Variants in CPAMD8 observed in about 807,000 individuals in gnomAD.
The protein encoded by CPAMD8 is C3 and PZP like alpha-2-macroglobulin domain containing 8.
Under a neutral mutation model 224.7 loss-of-function variants are expected in CPAMD8, and 146 were observed. The observed-to-expected ratio is 0.65, with a 90% CI of 0.57 to 0.75. The LOEUF is 0.75. CPAMD8 is among the 30% of genes least tolerant of loss of function. CPAMD8 has a pLI of 0.00. For synonymous variants in CPAMD8, 966 were observed against 1,044.6 expected, an observed-to-expected ratio of 0.92 and a Z score of 1.45; for missense variants, 2,301 against 2,537.5, an observed-to-expected ratio of 0.91 and a Z score of 2.00.
Position 17,000,432 on chromosome 19 carries a change from A to C in CPAMD8, c.849T>G (p.Pro283=), listed in dbSNP as rs376041460. The C allele has an allele frequency of 1.4e-4, 209 of 1,477,418 alleles. 2 individuals carry two copies. The highest frequency in any genetic ancestry group is 6.0e-4 in the Admixed American group (36 of 59,820). The allele number at this position is 1,477,418 out of a possible 1,614,324, so 91.5% of individuals were successfully genotyped here. ...TTCTCACCTTGGTTGTTCTGAGGAC[A>C]GGGCGTCCCACCTCGTGGCTGTAGT... ...VGYYSHEVGR[P]VLRTTKILGS... is the part of the protein sequence containing the mutation. Residue 283 remains proline, a synonymous_variant, in exon 10 of 42, where the codon CCT becomes CCG. Coordinates refer to ENST00000443236, the MANE Select transcript of CPAMD8 (RefSeq NM_015692.5).
At chr19:16,918,186 G>A (rs890357061) in intron 27 of CPAMD8, among the ~76,000 whole-genome samples, 1 of 152,070 alleles carries the variant, frequency 6.6e-6, no homozygotes, top group African/African-American at 2.4e-5. Flanking sequence ...GTAGAGACGG[G>A]GTTTCGCCAT....
chr19:16,990,863 C>CAAA lies in CPAMD8; in HGVS notation c.1267-1095_1267-1093dup, dbSNP rs3067791. ...GGGCAATAAGAGCAAAACTCTGTCT[C>CAAA]AAAAAAAAAAAAAAAAAAAAAAAAA... is the stretch of plus-strand genomic sequence containing the variant. On this transcript the variant is annotated intron_variant, in intron 12 of 41. Transcript: ENST00000443236. 9.7e-4 allele frequency among the ~76,000 whole-genome samples: 71 copies of CAAA among 73,140 alleles called. 1 individual carries two copies. Among genetic ancestry groups the CAAA allele is most frequent in the African/African-American group, 2.0e-3 (33 of 16,600 alleles). The allele number at this position is 73,140 out of a possible 152,430, so 48.0% of individuals were successfully genotyped here.
intron 5 of CPAMD8, 184 bp from the exon 6 acceptor site, chr19:17,009,504 G>T: frequency 9.7e-7 from 1 of 1,035,816 alleles, no homozygotes; most frequent in Admixed American, 2.6e-5. Flanking sequence ...CTCATTACAG[G>T]TGGCTCATGC....
chr19:17,009,198 G>A (rs895889196), intron 6 of CPAMD8, 105 bp downstream of exon 6: 97 of 1,596,452 alleles, frequency 6.1e-5, no homozygotes, highest in South Asian at 3.0e-4. Flanking sequence ...AAGGCACAGC[G>A]GCTCAACCCA....
At position 16,914,752 on chromosome 19, in the gene CPAMD8, G is replaced by A. The variant is rs943110810; in HGVS notation, c.3691C>T (p.Arg1231Trp). The A allele has an allele frequency of 3.1e-5, 50 of 1,613,960 alleles. No homozygotes were observed. The highest frequency in any genetic ancestry group is 1.1e-4 in the South Asian group (10 of 91,080). The change falls in exon 28 of 42, where the codon CGG (arginine) becomes TGG (tryptophan). Residue 1231 changes from arginine to tryptophan, a missense_variant. Arg to Trp is a moderately radical substitution (Grantham distance 101, BLOSUM62 -3). Around this residue, in one of 4 missense-constraint regions of CPAMD8, gnomAD observed 1,709 missense variants for 1,753.2 expected, o/e 0.97. Coordinates refer to ENST00000443236, the MANE Select transcript of CPAMD8 (RefSeq NM_015692.5). Reference protein sequence around the residue: ...QARSFIFVDPRELAAAKSWII... With the variant: ...QARSFIFVDPWELAAAKSWII... ...CAGCTCTTGGCGGCAGCCAGCTCCC[G>A]GGGGTCCACGAAGATAAAGCTGCGA... is the stretch of plus-strand genomic sequence containing the variant.
intron 8 of CPAMD8, among the ~76,000 whole-genome samples, chr19:17,003,425 TG>T (rs1243978525): frequency 6.6e-6 from 1 of 151,734 alleles, no homozygotes; most frequent in African/African-American, 2.4e-5. Context: ...CTCAAACTCC[TG>T]GCCTCAAGCG....
At chr19:16,989,117 A>T (rs757729035) in intron 13 of CPAMD8, among the ~76,000 whole-genome samples, 1 of 152,320 alleles carries the variant, frequency 6.6e-6, no homozygotes, top group Admixed American at 6.5e-5. Context: ...TCATTGTTTC[A>T]TTATATATTG....
chr19:16,965,377 C>T (rs530449242), intron 18 of CPAMD8, among the ~76,000 whole-genome samples: 1 of 152,090 alleles, frequency 6.6e-6, no homozygotes, highest in Non-Finnish European at 1.5e-5. Flanking sequence ...AAACCCACAG[C>T]CAATATCATA....
intron 10 of CPAMD8, among the ~76,000 whole-genome samples, chr19:16,999,452 G>A (rs1243544433): frequency 6.6e-6 from 1 of 151,944 alleles, no homozygotes; most frequent in Non-Finnish European, 1.5e-5. Flanking sequence ...GGGTGTTGTG[G>A]TGGGCACCTA....
At chr19:16,948,835 G>A (rs1233814802) in intron 20 of CPAMD8, among the ~76,000 whole-genome samples, 52 of 87,344 alleles carry the variant, frequency 6.0e-4, no homozygotes, top group Middle Eastern at 5.5e-3. Context: ...AGGGAAGGGA[G>A]GAGAAGGGAA....
rs2055399397 is a variant in CPAMD8, at chr19:16,979,212, C to A, written c.1585+1285G>T. Among the ~76,000 whole-genome samples, 4 of 151,696 alleles carry A rather than the reference C, an allele frequency of 2.6e-5. 1 individual carries two copies. The South Asian group carries it at 8.4e-4, about 32-fold the overall frequency. On this transcript the variant is annotated intron_variant, in intron 14 of 41. Transcript: ENST00000443236. ...TATTCATCCAGTCATCATCCGCCCACCCACTATCCATCCATCCATCCATCT... is the reference window on the plus strand; with the variant it reads ...TATTCATCCAGTCATCATCCGCCCAACCACTATCCATCCATCCATCCATCT...
At chr19:16,937,380 G>GT (rs975982613) in intron 23 of CPAMD8, among the ~76,000 whole-genome samples, 5 of 152,000 alleles carry the variant, frequency 3.3e-5, no homozygotes, top group Admixed American at 2.0e-4. Context: ...GCTGTCCTGT[G>GT]TTTTTTTCTA....
At chr19:16,927,933 T>C (rs1200006934) in intron 25 of CPAMD8, 76 bp downstream of exon 25, 1 of 1,110,638 alleles carries the variant, frequency 9.0e-7, no homozygotes, top group East Asian at 2.4e-5. Flanking sequence ...AAAGCCCAGC[T>C]TGAGACTAAG....
In CPAMD8 at chr19:16,977,297, C is replaced by T. The variant is rs374179137; in HGVS notation, c.1758+71G>A. The stretch of plus-strand genomic sequence containing the variant: ...CATGAGTCTCAGGTGTGCACAGACC[C>T]CCTGGCCAGCACCTTGGAGAAGCCC... On this transcript the variant is annotated intron_variant, in intron 15 of 41. Coordinates refer to ENST00000443236, the MANE Select transcript of CPAMD8 (RefSeq NM_015692.5). The T allele has an allele frequency of 3.1e-3, 3,065 of 981,990 alleles. 7 individuals carry two copies. Among genetic ancestry groups the T allele is most frequent in the Non-Finnish European group, 4.2e-3 (2,601 of 622,884 alleles). The allele number at this position is 981,990 out of a possible 1,614,324, so 60.8% of individuals were successfully genotyped here.
intron 32 of CPAMD8, 107 bp downstream of exon 32, chr19:16,904,119 G>C: frequency 1.6e-6 from 2 of 1,251,454 alleles, no homozygotes; most frequent in Non-Finnish European, 2.2e-6. Flanking sequence ...GGCTCCATAA[G>C]GTGAGAAGGG....
In CPAMD8 at chr19:16,897,913, A is replaced by G; in HGVS notation, c.4930T>C (p.Ser1644Pro). 1 of 1,610,732 alleles carries G rather than the reference A, an allele frequency of 6.2e-7. No homozygotes were observed. The highest frequency in any genetic ancestry group is 8.5e-7 in the Non-Finnish European group (1 of 1,179,248). The change falls in exon 38 of 42, where the codon TCC becomes CCC. Residue 1644 changes from serine to proline, a missense_variant. By Grantham distance (74) the Ser-to-Pro change is moderately conservative. Transcript: ENST00000443236. The part of the protein sequence containing the change: ...VVGRTSALPV[S>P]VYDYYEPAFE... ...CCGGGTTCGTAGTAGTCGTACACGG[A>G]GACTGGCAGCGCCGACGTCCTGCCC...
chr19:16,902,529 C>T, intron 35 of CPAMD8, 120 bp downstream of exon 35: 1 of 655,200 alleles, frequency 1.5e-6, no homozygotes, highest in Non-Finnish European at 2.7e-6. Context: ...AAAAACAAAA[C>T]AAAACAAAAA....
Position 16,929,256 on chromosome 19 carries a change from G to C in CPAMD8, c.2846-16C>G, listed in dbSNP as rs776423417. The C allele has an allele frequency of 3.4e-5, 53 of 1,581,138 alleles. No homozygotes were observed. Among genetic ancestry groups the C allele is most frequent in the Non-Finnish European group, 4.4e-5 (51 of 1,159,202 alleles). On this transcript the variant is annotated splice_polypyrimidine_tract_variant and intron_variant, in intron 23 of 41. Coordinates refer to ENST00000443236, the MANE Select transcript of CPAMD8 (RefSeq NM_015692.5). ...TGGACTCTCTCTGGATGGAGGAAAG[G>C]AGATGGGGAGTTGAGAGGGCACCTG...
chr19:16,914,640 C>A lies in CPAMD8; in HGVS notation c.3786+17G>T, dbSNP rs775768880. 57 of 1,613,738 alleles carry A rather than the reference C, an allele frequency of 3.5e-5. No individual in the cohort carries two copies. The highest frequency in any genetic ancestry group is 4.7e-5 in the Non-Finnish European group (56 of 1,179,882). On this transcript the variant is annotated intron_variant, in intron 28 of 41. Transcript: ENST00000443236. The stretch of plus-strand genomic sequence containing the variant: ...GGAGGTGAGGGGCCCGGGAAGGAGG[C>A]TCAAGGGGCCACTCACCTGGATGTC...
Sources: gnomAD v4.1 joint callset for allele counts (sites outside exome capture counted in the v4.1 genomes callset) on GRCh38, gnomAD v4.1.1 for gene constraint, gnomAD v4.1.1 regional missense constraint, MANE v1.5 for transcripts, NCBI Gene and HGNC (gene_info 2026-07-23, HGNC 2026-07-21) for gene names.